Variants in FAT1 observed in about 807,000 individuals in gnomAD.
FAT1 encodes the protein protocadherin Fat 1.
Under a neutral mutation model 329.8 loss-of-function variants are expected in FAT1, and 171 were observed. The ratio of observed to expected loss-of-function variants is 0.52; its 90% CI spans 0.46 to 0.59. FAT1 has a LOEUF of 0.59. Among genes scored for constraint, FAT1 ranks in the 20% least tolerant of loss-of-function variants. The probability of loss-of-function intolerance (pLI) is 0.00; values close to 1 mark genes in which losing one functional copy is unlikely to be tolerated. For missense variants in FAT1, 5,672 were observed against 5,774.4 expected (o/e 0.98, Z 0.57); for synonymous variants, 2,233 against 2,228.6 (o/e 1.00, Z -0.06).
intron 4 of FAT1, among the ~76,000 whole-genome samples, chr4:186,637,807 G>A (rs1234426521): frequency 1.3e-5 from 2 of 152,214 alleles, no homozygotes; most frequent in South Asian, 2.1e-4. Context: ...GGAGACTGAA[G>A]TCTGGCAGTT....
rs556061239 is a variant in FAT1, at chr4:186,594,307, C to T, written c.13138+1382G>A. Among the ~76,000 whole-genome samples the T allele has an allele frequency of 3.4e-4, 52 of 152,048 alleles. No homozygotes were observed. The East Asian group carries it at 7.0e-3, about 21-fold the overall frequency. On this transcript the variant is annotated intron_variant, in intron 26 of 26. Coordinates refer to ENST00000441802, the MANE Select transcript of FAT1 (RefSeq NM_005245.4). ...CGATCTCCCAACCTTGTGATCCGCC[C>T]GCCTTCACCTCCCAAAGTGCTGGGA...
At chr4:186,723,944 C>A (rs1561024085), upstream of FAT1, 1 of 151,136 alleles carries the variant, frequency 6.6e-6, no homozygotes, top group Non-Finnish European at 1.5e-5. Context: ...CCCACTTTCC[C>A]CGGCTGCCGG....
At chr4:186,640,965 C>CT (rs1741064220) in intron 3 of FAT1, among the ~76,000 whole-genome samples, 1 of 152,152 alleles carries the variant, frequency 6.6e-6, no homozygotes, top group African/African-American at 2.4e-5. Flanking sequence ...AGTGCTGCGG[C>CT]TTTTTTCTCA....
intron 1 of FAT1, among the ~76,000 whole-genome samples, chr4:186,716,387 T>C (rs867493219): frequency 3.3e-5 from 5 of 151,946 alleles, no homozygotes; most frequent in South Asian, 2.1e-4. Flanking sequence ...TTCAGTTCAG[T>C]GTCACATTTT....
Position 186,696,837 on chromosome 4 carries a change from A to C in FAT1, c.3265+9726T>G, listed in dbSNP as rs1744062096. Reference sequence around the variant, plus strand: ...TCAGGAGTTCGAGACCAGCCTGGCCAACACAGCAAAAACTCGTCTCTAGTA... The same window carrying C: ...TCAGGAGTTCGAGACCAGCCTGGCCCACACAGCAAAAACTCGTCTCTAGTA... On this transcript the variant is annotated intron_variant, in intron 2 of 26. Coordinates refer to ENST00000441802, the MANE Select transcript of FAT1 (RefSeq NM_005245.4). Among the ~76,000 whole-genome samples the C allele has an allele frequency of 2.0e-5, 3 of 152,166 alleles. No homozygotes were observed. The South Asian group carries it at 6.2e-4, about 31-fold the overall frequency.
intron 1 of FAT1, among the ~76,000 whole-genome samples, chr4:186,714,080 C>T (rs1161096454): frequency 6.6e-6 from 1 of 152,112 alleles, no homozygotes; most frequent in Non-Finnish European, 1.5e-5. Context: ...TGAGAAGTCC[C>T]CCAGCGGATT....
At chr4:186,654,016 G>A (rs1741788581) in intron 3 of FAT1, among the ~76,000 whole-genome samples, 2 of 152,164 alleles carry the variant, frequency 1.3e-5, no homozygotes, top group African/African-American at 2.4e-5. Context: ...GTCCCTCAAT[G>A]CAAAGAGTAG....
chr4:186,604,126 C>A, intron 18 of FAT1, 149 bp from the exon 19 acceptor site: 2 of 719,554 alleles, frequency 2.8e-6, no homozygotes, highest in South Asian at 2.0e-5. Flanking sequence ...AAGAAAAGGA[C>A]AAATTTCTTT....
rs760090187 is a variant in FAT1, at chr4:186,617,934, C to T, written c.8652G>A (p.Gln2884=). 2.1e-5 allele frequency: 34 copies of T among 1,614,036 alleles called. No individual in the cohort carries two copies. In the East Asian group the frequency reaches 7.6e-4, roughly 36 times the overall value. The stretch of plus-strand genomic sequence containing the variant: ...CATGATCTGATGCAACCACTTTAAT[C>T]TGGTAATTGTCTCTCTTTTCATGGT... ...ELDHEKRDNY[Q]IKVVASDHGE... Residue 2884 remains glutamine, a synonymous_variant, in exon 10 of 27, where the codon CAG becomes CAA. Transcript: ENST00000441802.
Position 186,613,125 on chromosome 4 carries a change from G to A in FAT1, c.9447C>T (p.Ala3149=), listed in dbSNP as rs767535409. Residue 3149 remains alanine, a synonymous_variant, in exon 13 of 27, where the codon GCC becomes GCT. Coordinates refer to ENST00000441802, the MANE Select transcript of FAT1 (RefSeq NM_005245.4). ...GGGAGATACCTGCGTCGGCATCTGT[G>A]GCCTGCACTCTTGTCAGCAGCGTTC... ...EPGTLLTRVQ[A]TDADAGLNRK... 16 of 1,610,782 alleles carry A rather than the reference G, an allele frequency of 9.9e-6. No individual in the cohort carries two copies. Among genetic ancestry groups the A allele is most frequent in the Non-Finnish European group, 1.4e-5 (16 of 1,179,120 alleles).
At chr4:186,704,210 C>T (rs1263683368) in intron 2 of FAT1, among the ~76,000 whole-genome samples, 1 of 152,176 alleles carries the variant, frequency 6.6e-6, no homozygotes, top group Non-Finnish European at 1.5e-5. Flanking sequence ...TTCTTATATA[C>T]TTACCAACCA....
chr4:186,635,478 T>C (rs1367831844), intron 6 of FAT1, among the ~76,000 whole-genome samples: 1 of 152,178 alleles, frequency 6.6e-6, no homozygotes, highest in Admixed American at 6.5e-5. Flanking sequence ...CTCCTACCTG[T>C]TGAAAATGAG....
chr4:186,619,063 T>A lies in FAT1; in HGVS notation c.7523A>T (p.His2508Leu), dbSNP rs1478821871. Reference protein sequence around the residue: ...EVELAENAPLHTLVMEVKTTD... With the variant: ...EVELAENAPLLTLVMEVKTTD... ...AGTTTTCACCTCCATCACCAGGGTA[T>A]GTAGGGGAGCGTTTTCAGCTAGTTC... The change falls in exon 10 of 27, where the codon CAT (histidine) becomes CTT (leucine). Residue 2508 changes from histidine (H) to leucine (L), a missense_variant. By Grantham distance (99) the His-to-Leu change is moderately conservative (BLOSUM62 -3). Around this residue, in one of 2 missense-constraint regions of FAT1, gnomAD observed 3,966 missense variants for 3,915.2 expected, o/e 1.01. Transcript: ENST00000441802. The A allele has an allele frequency of 6.2e-7, 1 of 1,613,978 alleles. No homozygotes were observed. Among genetic ancestry groups the A allele is most frequent in the Non-Finnish European group, 8.5e-7 (1 of 1,179,890 alleles).
chr4:186,605,023 AGCCTG>A (rs1739034798), intron 17 of FAT1, among the ~76,000 whole-genome samples: 1 of 152,000 alleles, frequency 6.6e-6, no homozygotes, highest in African/African-American at 2.4e-5. Context: ...GTTCGAGACC[AGCCTG>A]GCCAACGTGG....
chr4:186,588,205 T>C lies in FAT1; in HGVS notation c.*387A>G. The C allele has an allele frequency of 4.2e-6, 1 of 237,550 alleles. No individual in the cohort carries two copies. Among genetic ancestry groups the C allele is most frequent in the Admixed American group, 5.2e-5 (1 of 19,410 alleles). The allele number at this position is 237,550 out of a possible 1,614,324, so 14.7% of individuals were successfully genotyped here. A position where few individuals can be genotyped will look rare whatever the true frequency, so the allele number is the denominator to read the frequency against. ...TCAGTTGAAACAAATGCACAAAATA[T>C]CTTGGAAATCTAGTTAAAACTATGA... is the stretch of plus-strand genomic sequence containing the variant. On this transcript the variant is annotated 3_prime_UTR_variant, in exon 27 of 27. Transcript: ENST00000441802.
At chr4:186,658,176 A>T (rs1741996108) in intron 3 of FAT1, among the ~76,000 whole-genome samples, 1 of 152,256 alleles carries the variant, frequency 6.6e-6, no homozygotes, top group Admixed American at 6.5e-5. Context: ...TGCATATATC[A>T]CAAAAAGAGA....
rs1165782184 is a variant in FAT1 at position 186,706,679 on chromosome 4, C to T, written c.3149G>A (p.Gly1050Asp). The change falls in exon 2 of 27, where the codon GGT becomes GAT. Residue 1050 changes from glycine to aspartate, a missense_variant. Physicochemically the swap from Gly to Asp is moderately conservative, Grantham distance 94. This residue lies in a region of FAT1 where 3,966 missense variants were observed against 3,915.2 expected (regional missense o/e 1.01). Transcript: ENST00000441802. ...KGTVKEDAPV[G>D]SLVMTVSAHD... is the part of the protein sequence containing the mutation. ...AGCCGACACCGTCATTACCAATGAA[C>T]CAACAGGTGCATCTTCTTTCACTGT... The T allele has an allele frequency of 1.2e-6, 2 of 1,613,982 alleles. No homozygotes were observed. Among genetic ancestry groups the T allele is most frequent in the East Asian group, 2.2e-5 (1 of 44,878 alleles).
chr4:186,669,635 T>G (rs1400457216), intron 2 of FAT1, among the ~76,000 whole-genome samples: 2 of 152,198 alleles, frequency 1.3e-5, no homozygotes, highest in Non-Finnish European at 2.9e-5. Context: ...CACCACCAGA[T>G]GTCACTATGG....
intron 12 of FAT1, 60 bp from the exon 13 acceptor site, chr4:186,613,402 C>G: frequency 8.0e-7 from 1 of 1,247,738 alleles, no homozygotes; most frequent in Non-Finnish European, 1.2e-6. Flanking sequence ...AGTTGTACAT[C>G]TTATTTCCTC....
Sources: allele counts gnomAD v4.1 joint callset (sites outside exome capture counted in the v4.1 genomes callset), GRCh38; gene constraint gnomAD v4.1.1; regional missense constraint gnomAD v4.1.1; transcripts MANE v1.5; gene names NCBI Gene and HGNC (gene_info 2026-07-23, HGNC 2026-07-21).